DCDC1: variants seen among roughly 807,000 people sequenced by gnomAD.
DCDC1 encodes doublecortin domain containing 1.
In DCDC1, 200 loss-of-function variants were observed where a neutral mutation model predicts 178.3. That is an observed-to-expected ratio of 1.12 (90% CI 1.00 to 1.26). The LOEUF (loss-of-function observed/expected upper bound fraction) is 1.26, where lower values mean the gene tolerates loss of function less well. Ranked by LOEUF, DCDC1 falls within the 50% of genes most tolerant of loss-of-function variation. DCDC1 has a pLI of 0.00. For synonymous variants in DCDC1, 690 were observed against 604.8 expected (o/e 1.14, Z -2.07); for missense variants, 1,983 against 1,749.2 (o/e 1.13, Z -2.38).
chr11:31,093,339 T>G (rs187489033), intron 16 of DCDC1, among the ~76,000 whole-genome samples: 1 of 152,298 alleles, frequency 6.6e-6, no homozygotes, highest in East Asian at 1.9e-4. Context: ...GCAAACTTCA[T>G]TGGGTGACTT....
chr11:31,175,067 C>T (rs540129723), intron 9 of DCDC1, among the ~76,000 whole-genome samples: 28 of 152,322 alleles, frequency 1.8e-4, no homozygotes, highest in Admixed American at 5.2e-4. Flanking sequence ...AGAGCTGAGG[C>T]CCTTCAAGGA....
At chr11:30,870,729 G>A (rs1941468267) in intron 38 of DCDC1, among the ~76,000 whole-genome samples, 1 of 152,156 alleles carries the variant, frequency 6.6e-6, no homozygotes, top group Non-Finnish European at 1.5e-5. Flanking sequence ...TCCTGATATT[G>A]TAATCAAAGT....
chr11:31,155,742 C>T (rs1965657381), intron 9 of DCDC1, among the ~76,000 whole-genome samples: 4 of 152,132 alleles, frequency 2.6e-5, no homozygotes, highest in Non-Finnish European at 2.9e-5. Flanking sequence ...GTAAATGCTC[C>T]CATGAGGCAG....
chr11:31,080,567 A>T (rs536208995), intron 17 of DCDC1, among the ~76,000 whole-genome samples: 1 of 152,306 alleles, frequency 6.6e-6, no homozygotes, highest in African/African-American at 2.4e-5. Context: ...ACTATAACAA[A>T]TTCTCCTAAG....
At chr11:31,369,386 A>T (rs533367848) in intron 1 of DCDC1, among the ~76,000 whole-genome samples, 54 of 152,300 alleles carry the variant, frequency 3.5e-4, no homozygotes, top group Non-Finnish European at 7.4e-4. Flanking sequence ...CATAGGTTTT[A>T]GTTCTTTTAA....
intron 9 of DCDC1, among the ~76,000 whole-genome samples, chr11:31,176,069 CA>C (rs1168998622): frequency 1.3e-5 from 2 of 152,100 alleles, no homozygotes; most frequent in African/African-American, 4.8e-5. Context: ...ACGACTTTTA[CA>C]GAATGCCTAA....
At chr11:31,305,212 G>A (rs1290709639) in intron 6 of DCDC1, among the ~76,000 whole-genome samples, 8 of 151,996 alleles carry the variant, frequency 5.3e-5, no homozygotes, top group Admixed American at 5.2e-4. Flanking sequence ...TCTGAAAAAA[G>A]ACCAAGAGTG....
At chr11:30,984,991 C>T (rs1950570827) in intron 20 of DCDC1, among the ~76,000 whole-genome samples, 1 of 152,288 alleles carries the variant, frequency 6.6e-6, no homozygotes, top group Non-Finnish European at 1.5e-5. Context: ...CACATCTAAC[C>T]TTGGCCACAA....
At chr11:31,357,506 C>T (rs1033014857) in intron 1 of DCDC1, among the ~76,000 whole-genome samples, 2 of 152,172 alleles carry the variant, frequency 1.3e-5, no homozygotes, top group Non-Finnish European at 2.9e-5. Flanking sequence ...AAATGGGAAG[C>T]ATTCCCTTTG....
intron 7 of DCDC1, among the ~76,000 whole-genome samples, chr11:31,272,279 T>C (rs773803017): frequency 2.4e-4 from 36 of 152,004 alleles, no homozygotes; most frequent in Non-Finnish European, 4.7e-4. Context: ...CCACAACATA[T>C]GGAAATTCAA....
At chr11:31,018,609 T>C (rs1952653025) in intron 20 of DCDC1, among the ~76,000 whole-genome samples, 1 of 152,134 alleles carries the variant, frequency 6.6e-6, no homozygotes, top group South Asian at 2.1e-4. Flanking sequence ...AAGGTTTGGA[T>C]CTGGAGAGTT....
chr11:31,184,414 C>T (rs1281326325), intron 9 of DCDC1, among the ~76,000 whole-genome samples: 1 of 152,148 alleles, frequency 6.6e-6, no homozygotes, highest in Non-Finnish European at 1.5e-5. Context: ...AAAGCAATGA[C>T]AACCAAAGTC....
intron 20 of DCDC1, among the ~76,000 whole-genome samples, chr11:31,034,256 T>TGAG (rs1190962717): frequency 1.8e-3 from 271 of 151,760 alleles, no homozygotes; most frequent in African/African-American, 6.2e-3. Flanking sequence ...CTGAGAATTA[T>TGAG]TATAAAAGAG....
chr11:31,294,750 AAGAAAGAAAT>A (rs1402267607), intron 6 of DCDC1, among the ~76,000 whole-genome samples: 2 of 147,654 alleles, frequency 1.4e-5, no homozygotes, highest in Non-Finnish European at 3.0e-5. Flanking sequence ...GAGGGAGGAA[AAGAAAGAAAT>A]AGAAAGAGAA....
chr11:31,213,573 A>G (rs1388687866), intron 9 of DCDC1, among the ~76,000 whole-genome samples: 2 of 151,906 alleles, frequency 1.3e-5, no homozygotes, highest in Non-Finnish European at 2.9e-5. Flanking sequence ...TACAAAAATT[A>G]GCCAGGCGTG....
At chr11:31,253,094 A>G (rs537823831) in intron 8 of DCDC1, among the ~76,000 whole-genome samples, 1 of 152,322 alleles carries the variant, frequency 6.6e-6, no homozygotes, top group South Asian at 2.1e-4. Flanking sequence ...GCAAAACACT[A>G]CTCAGAGTGG....
intron 9 of DCDC1, among the ~76,000 whole-genome samples, chr11:31,195,747 G>T (rs1047324114): frequency 1.3e-5 from 2 of 151,740 alleles, no homozygotes; most frequent in Non-Finnish European, 2.9e-5. Flanking sequence ...CTTCATAAAA[G>T]CTGGGACCAT....
At position 31,283,530 on chromosome 11, in the gene DCDC1, G is replaced by C. The variant is rs116466028; in HGVS notation, c.960+7117C>G. ...AATCACTGTTTAAATGTCTTTTTCTGTTAACTCTATTTTGGGGTCTGTTTC... is the reference window on the plus strand; with the variant it reads ...AATCACTGTTTAAATGTCTTTTTCTCTTAACTCTATTTTGGGGTCTGTTTC... On this transcript the variant is annotated intron_variant, in intron 7 of 38. Transcript: ENST00000684477. 5.0e-3 allele frequency among the ~76,000 whole-genome samples: 750 copies of C among 151,118 alleles called. 9 individuals carry two copies. Among genetic ancestry groups the C allele is most frequent in the African/African-American group, 0.017 (714 of 41,124 alleles).
intron 20 of DCDC1, among the ~76,000 whole-genome samples, chr11:30,979,399 G>C (rs1188154019): frequency 6.6e-6 from 1 of 152,152 alleles, no homozygotes; most frequent in South Asian, 2.1e-4. Context: ...GTATTTACTA[G>C]TTGCATAAAT....
Sources: allele counts gnomAD v4.1 joint callset (sites outside exome capture counted in the v4.1 genomes callset), GRCh38; gene constraint gnomAD v4.1.1; transcripts MANE v1.5; gene names NCBI Gene and HGNC (gene_info 2026-07-23, HGNC 2026-07-21).